ZBTB7C: variants seen among roughly 807,000 people sequenced by gnomAD.
The protein encoded by ZBTB7C is zinc finger and BTB domain-containing protein 7C.
ZBTB7C carries 8 observed loss-of-function variants against 25.7 expected under a neutral mutation model. The observed-to-expected ratio is 0.31, with a 90% confidence interval of 0.18 to 0.56. ZBTB7C has a LOEUF of 0.56. Ranked by LOEUF, ZBTB7C falls within the 20% of genes least tolerant of loss-of-function variation. ZBTB7C has a pLI of 0.91. For synonymous variants in ZBTB7C, 394 were observed against 369.0 expected (o/e 1.07, Z -0.78); for missense variants, 824 against 855.2 (o/e 0.96, Z 0.46).
At chr18:48,182,513 G>T (rs1481483340) in intron 3 of ZBTB7C, among the ~76,000 whole-genome samples, 5 of 152,174 alleles carry the variant, frequency 3.3e-5, no homozygotes, top group African/African-American at 1.2e-4. Flanking sequence ...ATGCACAGAG[G>T]AGACTCAGCT....
intron 2 of ZBTB7C, among the ~76,000 whole-genome samples, chr18:48,250,836 T>A (rs2043832277): frequency 6.6e-6 from 1 of 152,008 alleles, no homozygotes; most frequent in African/African-American, 2.4e-5. Flanking sequence ...TGTTTTTCTA[T>A]AAAATTTTTC....
chr18:48,245,088 G>GTATATATATATATATATA (rs1384990097), intron 2 of ZBTB7C, among the ~76,000 whole-genome samples: 3 of 43,680 alleles, frequency 6.9e-5, no homozygotes, highest in African/African-American at 2.2e-4. Context: ...TAGTGTGTGT[G>GTATATATATATATATATA]TGTGTATATA....
chr18:48,222,512 C>T (rs1035147035), intron 2 of ZBTB7C, among the ~76,000 whole-genome samples: 1 of 152,168 alleles, frequency 6.6e-6, no homozygotes, highest in Non-Finnish European at 1.5e-5. Flanking sequence ...CTATACTGTC[C>T]AGTTTTTAAA....
chr18:48,371,845 T>C (rs2047396480), intron 1 of ZBTB7C, among the ~76,000 whole-genome samples: 1 of 152,202 alleles, frequency 6.6e-6, no homozygotes, highest in Non-Finnish European at 1.5e-5. Context: ...ATCACCACTG[T>C]TTCCCAGAAA....
At chr18:48,195,965 G>A (rs1293647952) in intron 2 of ZBTB7C, among the ~76,000 whole-genome samples, 1 of 152,102 alleles carries the variant, frequency 6.6e-6, no homozygotes, top group East Asian at 1.9e-4. Flanking sequence ...ACAGGTTTGG[G>A]AATGAAGCCC....
intron 1 of ZBTB7C, among the ~76,000 whole-genome samples, chr18:48,362,288 C>T (rs2047124986): frequency 6.6e-6 from 1 of 152,226 alleles, no homozygotes; most frequent in African/African-American, 2.4e-5. Context: ...TGGTTTCATG[C>T]TTCCCATGGT....
At chr18:48,367,695 A>G (rs556461802) in intron 1 of ZBTB7C, among the ~76,000 whole-genome samples, 2 of 152,058 alleles carry the variant, frequency 1.3e-5, no homozygotes, top group Non-Finnish European at 2.9e-5. Flanking sequence ...CAAAGGCCAC[A>G]TGGGGAGCCT....
intron 3 of ZBTB7C, among the ~76,000 whole-genome samples, chr18:48,129,344 G>GA (rs1481215346): frequency 9.3e-6 from 1 of 107,936 alleles, no homozygotes; most frequent in African/African-American, 4.0e-5. Flanking sequence ...CACACCCAGA[G>GA]AAAGTCCAAA....
In ZBTB7C at chr18:48,306,351, T is replaced by C. The variant is rs78192780; in HGVS notation, c.-79+31823A>G. ...AAGAAGGGACCCAATTCTGTTTTGC[T>C]ACCTTTTGTGTGTGTCTGTGGTAAA... On this transcript the variant is annotated intron_variant, in intron 2 of 4. Coordinates refer to ENST00000590800, the MANE Select transcript of ZBTB7C (RefSeq NM_001318841.2). Among the ~76,000 whole-genome samples, 874 of 152,320 alleles carry C rather than the reference T, an allele frequency of 5.7e-3. 25 individuals are homozygous for C. Among genetic ancestry groups the C allele is most frequent in the East Asian group, 0.044 (227 of 5,186 alleles).
At chr18:48,086,136 C>T (rs1172933851) in intron 3 of ZBTB7C, among the ~76,000 whole-genome samples, 1 of 152,236 alleles carries the variant, frequency 6.6e-6, no homozygotes, top group East Asian at 1.9e-4. Flanking sequence ...TCTGCCCCTG[C>T]CTGCTTCCTG....
At chr18:48,208,208 T>C (rs950506655) in intron 2 of ZBTB7C, among the ~76,000 whole-genome samples, 30 of 151,784 alleles carry the variant, frequency 2.0e-4, no homozygotes, top group African/African-American at 7.0e-4. Flanking sequence ...GCATCAAGGG[T>C]CAGCAATGAA....
chr18:48,044,999 C>T (rs545276422), intron 3 of ZBTB7C, among the ~76,000 whole-genome samples: 3 of 152,374 alleles, frequency 2.0e-5, no homozygotes, highest in South Asian at 4.1e-4. Context: ...CTCCCAACCA[C>T]AGCCAATTGC....
chr18:48,095,998 C>G (rs1319416581), intron 3 of ZBTB7C, among the ~76,000 whole-genome samples: 1 of 152,202 alleles, frequency 6.6e-6, no homozygotes, highest in Non-Finnish European at 1.5e-5. Flanking sequence ...CCAACCTCTC[C>G]TCAAAGCTGC....
intron 3 of ZBTB7C, among the ~76,000 whole-genome samples, chr18:48,141,086 T>G (rs935274257): frequency 1.3e-5 from 2 of 151,580 alleles, no homozygotes; most frequent in African/African-American, 4.9e-5. Context: ...TCAAGGCCCT[T>G]CTCTCGCCAA....
chr18:48,269,846 A>C (rs1260486370), intron 2 of ZBTB7C, among the ~76,000 whole-genome samples: 1 of 152,200 alleles, frequency 6.6e-6, no homozygotes, highest in Non-Finnish European at 1.5e-5. Context: ...TTTGTTAGAG[A>C]TCTCTAGTCC....
intron 3 of ZBTB7C, among the ~76,000 whole-genome samples, chr18:48,156,665 T>C (rs550448464): frequency 1.3e-5 from 2 of 152,304 alleles, no homozygotes; most frequent in East Asian, 3.9e-4. Context: ...GCCCAAACAA[T>C]AGGAAGCCTC....
chr18:48,145,931 C>T (rs2144859210), intron 3 of ZBTB7C, among the ~76,000 whole-genome samples: 1 of 152,192 alleles, frequency 6.6e-6, no homozygotes, highest in South Asian at 2.1e-4. Context: ...TTTAGGTAAA[C>T]CATTGGAAAG....
intron 2 of ZBTB7C, among the ~76,000 whole-genome samples, chr18:48,330,354 T>C (rs1001228020): frequency 1.3e-5 from 2 of 152,146 alleles, no homozygotes; most frequent in Non-Finnish European, 1.5e-5. Context: ...TTAGGTAGCA[T>C]GAGCTCTTGC....
At position 48,408,833 on chromosome 18, in the gene ZBTB7C, C is replaced by T. The variant is rs574129934; in HGVS notation, c.-304+393G>A. On this transcript the variant is annotated intron_variant, in intron 1 of 4. Transcript: ENST00000590800. The stretch of plus-strand genomic sequence containing the variant: ...GCCCGCAGAAGTTCCTTTCCAGCCC[C>T]GCGCGCCACTTCGCTCCGGGCCGCG... 6.5e-3 allele frequency among the ~76,000 whole-genome samples: 985 copies of T among 151,760 alleles called. 14 individuals are homozygous for T. The highest frequency in any genetic ancestry group is 0.02 in the African/African-American group (833 of 41,482).
Sources: gnomAD v4.1 joint callset for allele counts (sites outside exome capture counted in the v4.1 genomes callset) on GRCh38, gnomAD v4.1.1 for gene constraint, MANE v1.5 for transcripts, NCBI Gene and HGNC (gene_info 2026-07-23, HGNC 2026-07-21) for gene names.